Variants in XPA observed in about 807,000 individuals in gnomAD.
XPA encodes the protein DNA repair protein complementing XP-A cells.
Under a neutral mutation model 35.7 loss-of-function variants are expected in XPA, and 27 were observed. The observed-to-expected ratio is 0.76, with a 90% CI of 0.56 to 1.04. XPA has a LOEUF of 1.04. Ranked by LOEUF, XPA falls within the 50% of genes least tolerant of loss-of-function variation. The probability of loss-of-function intolerance (pLI) is 0.00; values close to 1 mark genes in which losing one functional copy is unlikely to be tolerated. For missense variants in XPA, 354 were observed against 342.7 expected, an observed-to-expected ratio of 1.03 and a Z score of -0.26; for synonymous variants, 133 against 118.4, an observed-to-expected ratio of 1.12 and a Z score of -0.80.
chr9:97,686,938 CAT>C lies in XPA; in HGVS notation c.555+156_555+157del, dbSNP rs372331521. Among the ~76,000 whole-genome samples, 80 of 152,178 alleles carry C rather than the reference CAT, an allele frequency of 5.3e-4. No individual in the cohort carries two copies. The East Asian group carries it at 0.011, about 21-fold the overall frequency. On this transcript the variant is annotated intron_variant, in intron 4 of 5. Coordinates refer to ENST00000375128, the MANE Select transcript of XPA (RefSeq NM_000380.4). ...AAAAGAAAAAAGCAAAATGAGAAAA[CAT>C]GTTATTAAATGTCATTATACATGAC... is the stretch of plus-strand genomic sequence containing the variant.
rs1828314205 is a variant in XPA, at chr9:97,675,203, C to T, written c.*236G>A. On this transcript the variant is annotated 3_prime_UTR_variant, in exon 6 of 6. Coordinates refer to ENST00000375128, the MANE Select transcript of XPA (RefSeq NM_000380.4). ...CTACTCTAGCACTCAGCTCCCATCT[C>T]TGTTGTAAGAAGGCAATCACAGACA... is the stretch of plus-strand genomic sequence containing the variant. 7.9e-6 allele frequency: 5 copies of T among 633,762 alleles called. No individual in the cohort carries two copies. The East Asian group carries it at 1.6e-4, about 20-fold the overall frequency. The allele number at this position is 633,762 out of a possible 1,614,324, so 39.3% of individuals were successfully genotyped here. A position where few individuals can be genotyped will look rare whatever the true frequency, so the allele number is the denominator to read the frequency against.
Position 97,693,632 on chromosome 9 carries a change from T to TG in XPA, c.283+16dup. ...AATAACCAATCTAGATACTTATTTT[T>TG]GAAAAACTCACTTTACCTGGTTGAT... On this transcript the variant is annotated intron_variant, in intron 2 of 5. Coordinates refer to ENST00000375128, the MANE Select transcript of XPA (RefSeq NM_000380.4). 1 of 1,610,516 alleles carries TG rather than the reference T, an allele frequency of 6.2e-7. No homozygotes were observed. The highest frequency in any genetic ancestry group is 8.5e-7 in the Non-Finnish European group (1 of 1,177,668).
chr9:97,676,199 G>A (rs1323135629), intron 5 of XPA, among the ~76,000 whole-genome samples: 1 of 152,186 alleles, frequency 6.6e-6, no homozygotes, highest in Admixed American at 6.5e-5. Flanking sequence ...TTAAGAGCTG[G>A]AAAGAACCAC....
At chr9:97,661,178 G>C in the XPA span, 1 of 1,352,410 alleles carries the variant, frequency 7.4e-7, no homozygotes, top group Non-Finnish European at 1.0e-6. Context: ...ATATCTGTTT[G>C]ACCTGTTCAG....
intron 5 of XPA, 133 bp downstream of exon 5, chr9:97,684,790 G>T: frequency 1.2e-6 from 1 of 822,774 alleles, no homozygotes; most frequent in Non-Finnish European, 2.1e-6. Context: ...AGGGCAAACT[G>T]TAAGTCATTT....
At chr9:97,669,573 A>G in the XPA span, 1 of 1,535,460 alleles carries the variant, frequency 6.5e-7, no homozygotes, top group East Asian at 2.2e-5. Context: ...GTACTACCTT[A>G]ACTTCTTCTC....
At chr9:97,695,842 C>A (rs1829027168) in intron 1 of XPA, among the ~76,000 whole-genome samples, 1 of 152,194 alleles carries the variant, frequency 6.6e-6, no homozygotes, top group African/African-American at 2.4e-5. Context: ...CAGTTCAGTT[C>A]TTGGGGAACT....
chr9:97,679,175 T>A (rs1395536981), intron 5 of XPA, among the ~76,000 whole-genome samples: 4 of 152,322 alleles, frequency 2.6e-5, no homozygotes, highest in Non-Finnish European at 5.9e-5. Context: ...AATATATCCC[T>A]ATTAGGAAAT....
At chr9:97,654,531 T>A in the XPA span, among the ~76,000 whole-genome samples, 1 of 151,690 alleles carries the variant, frequency 6.6e-6, no homozygotes. Context: ...GCCAGTAGAC[T>A]TGCTTGTTGC....
chr9:97,666,037 C>T, the XPA span, among the ~76,000 whole-genome samples: 1 of 152,032 alleles, frequency 6.6e-6, no homozygotes, highest in Non-Finnish European at 1.5e-5. Context: ...GGAAGAAAAC[C>T]CATGTGTAAA....
In XPA at chr9:97,697,251, T is replaced by G. The variant is rs1829084223; in HGVS notation, c.42A>C (p.Leu14Phe). 2 of 1,600,080 alleles carry G rather than the reference T, an allele frequency of 1.2e-6. No individual in the cohort carries two copies. Among genetic ancestry groups the G allele is most frequent in the Middle Eastern group, 3.5e-4 (2 of 5,796 alleles). ...AGGCAGGCAGCTCCGCGGGTTGCTC[T>G]AAAGCCGCCGCCTCCGGCAAAGCCC... is the stretch of plus-strand genomic sequence containing the variant. The part of the protein sequence containing the change: ...ADGALPEAAA[L>F]EQPAELPASV... The change falls in exon 1 of 6, where the codon TTA (leucine) becomes TTC (phenylalanine). Residue 14 changes from leucine (L) to phenylalanine (F), a missense_variant. By Grantham distance (22) the Leu-to-Phe change is conservative. Coordinates refer to ENST00000375128, the MANE Select transcript of XPA (RefSeq NM_000380.4).
chr9:97,668,829 T>A, the XPA span: 3 of 1,606,832 alleles, frequency 1.9e-6, no homozygotes, highest in Non-Finnish European at 2.5e-6. Flanking sequence ...TTCCTTTTGT[T>A]CATTTGCCTT....
Position 97,675,444 on chromosome 9 carries a change from T to C in XPA, c.817A>G (p.Met273Val). 2 of 1,613,194 alleles carry C rather than the reference T, an allele frequency of 1.2e-6. No homozygotes were observed. The highest frequency in any genetic ancestry group is 1.7e-6 in the Non-Finnish European group (2 of 1,179,736). ...CAGGTCACTGAACTAAAAAATCACATTTTTTCATATGTCAGTTCATGGCCA... is the reference window on the plus strand; with the variant it reads ...CAGGTCACTGAACTAAAAAATCACACTTTTTCATATGTCAGTTCATGGCCA... ...MCGHELTYEK[M>V] Residue 273 changes from methionine (M) to valine (V), a missense_variant, in exon 6 of 6, where the codon ATG becomes GTG. Met to Val is a conservative substitution (Grantham distance 21). Coordinates refer to ENST00000375128, the MANE Select transcript of XPA (RefSeq NM_000380.4).
At chr9:97,689,261 AAAAC>A (rs996549861) in intron 3 of XPA, among the ~76,000 whole-genome samples, 3 of 152,120 alleles carry the variant, frequency 2.0e-5, no homozygotes, top group Non-Finnish European at 4.4e-5. Context: ...TTAAAAAACA[AAAAC>A]AAAAAAAAAC....
downstream of XPA, chr9:97,671,904 C>G (rs1054375740): frequency 2.0e-5 from 3 of 152,180 alleles, no homozygotes; most frequent in Non-Finnish European, 4.4e-5. Context: ...TAAAGTTTCC[C>G]CAGGTGATTC....
rs986000182 is a variant in XPA, at chr9:97,675,252, C to A, written c.*187G>T. The A allele has an allele frequency of 7.0e-6, 5 of 716,436 alleles. No individual in the cohort carries two copies. The highest frequency in any genetic ancestry group is 4.6e-5 in the South Asian group (3 of 64,596). 44.4% of individuals were successfully genotyped at this position (716,436 alleles called of 1,614,324 possible). A position where few individuals can be genotyped will look rare whatever the true frequency, so the allele number is the denominator to read the frequency against. ...CATGACATTGTGCACACAACCAGGC[C>A]AGGTGACCTTCACTGAAACTTGCTT... is the stretch of plus-strand genomic sequence containing the variant. On this transcript the variant is annotated 3_prime_UTR_variant, in exon 6 of 6. Coordinates refer to ENST00000375128, the MANE Select transcript of XPA (RefSeq NM_000380.4).
At chr9:97,674,013 A>T (rs1457785056), downstream of XPA, among the ~76,000 whole-genome samples, 2 of 151,640 alleles carry the variant, frequency 1.3e-5, no homozygotes, top group Non-Finnish European at 2.9e-5. Flanking sequence ...AACTACTTCA[A>T]ACAGTCCTTT....
the XPA span, chr9:97,656,149 T>G: frequency 7.9e-7 from 1 of 1,261,192 alleles, no homozygotes; most frequent in Non-Finnish European, 1.2e-6. Context: ...TCTCTGCACT[T>G]GTGATGTGTG....
At chr9:97,678,115 A>G (rs963894586) in intron 5 of XPA, among the ~76,000 whole-genome samples, 12 of 152,208 alleles carry the variant, frequency 7.9e-5, no homozygotes, top group African/African-American at 2.4e-4. Context: ...AAATGATGAC[A>G]TAAGGCTGGG....
Sources: allele counts gnomAD v4.1 joint callset (sites outside exome capture counted in the v4.1 genomes callset), GRCh38; gene constraint gnomAD v4.1.1; transcripts MANE v1.5; gene names NCBI Gene and HGNC (gene_info 2026-07-23, HGNC 2026-07-21).